CLASP2: variants seen among roughly 807,000 people sequenced by gnomAD.
CLASP2 encodes CLIP-associating protein 2.
Under a neutral mutation model 194.4 loss-of-function variants are expected in CLASP2, and 47 were observed. The ratio of observed to expected loss-of-function variants is 0.24; its 90% CI spans 0.19 to 0.31. CLASP2 has a LOEUF of 0.31. Among genes scored for constraint, CLASP2 ranks in the 10% least tolerant of loss-of-function variants. The pLI, the probability that CLASP2 is intolerant of heterozygous loss-of-function variation, is 1.00. For missense variants in CLASP2, 1,445 were observed against 1,823.6 expected (o/e 0.79, Z 3.78); for synonymous variants, 619 against 633.5 (o/e 0.98, Z 0.34).
At chr3:33,577,056 A>G in intron 23 of CLASP2, 1 of 560,012 alleles carries the variant, frequency 1.8e-6, no homozygotes. Flanking sequence ...ACTTGGGAGA[A>G]AAGAAAAAAA....
intron 34 of CLASP2, among the ~76,000 whole-genome samples, chr3:33,522,810 C>T (rs2335246): frequency 6.6e-6 from 1 of 152,194 alleles, no homozygotes; most frequent in Admixed American, 6.5e-5. Context: ...GTGGCTCACG[C>T]CTGTAATCCC....
chr3:33,708,852 C>A (rs1022985904), intron 1 of CLASP2, among the ~76,000 whole-genome samples: 1 of 152,074 alleles, frequency 6.6e-6, no homozygotes, highest in Non-Finnish European at 1.5e-5. Flanking sequence ...CTCTCCAATA[C>A]TTGTTCTCTT....
chr3:33,562,554 C>T (rs1475279707), intron 27 of CLASP2, among the ~76,000 whole-genome samples: 1 of 152,038 alleles, frequency 6.6e-6, no homozygotes, highest in Non-Finnish European at 1.5e-5. Flanking sequence ...TGAAATCTAC[C>T]ACGGGATAGG....
At chr3:33,609,045 T>C (rs1166211399) in intron 13 of CLASP2, among the ~76,000 whole-genome samples, 1 of 152,130 alleles carries the variant, frequency 6.6e-6, no homozygotes, top group Non-Finnish European at 1.5e-5. Flanking sequence ...TTTGGAAGGC[T>C]GAGGTGGGTG....
intron 23 of CLASP2, chr3:33,577,083 A>G: frequency 1.2e-6 from 1 of 859,066 alleles, no homozygotes; most frequent in Non-Finnish European, 1.7e-6. Flanking sequence ...ATTCTCCAAC[A>G]AATTAAATTT....
At chr3:33,507,777 C>T (rs189976287) in intron 37 of CLASP2, among the ~76,000 whole-genome samples, 1 of 152,232 alleles carries the variant, frequency 6.6e-6, no homozygotes, top group Non-Finnish European at 1.5e-5. Flanking sequence ...AGCCACCAAG[C>T]CAGGCAAGAA....
At chr3:33,599,612 A>G (rs2071459086) in intron 18 of CLASP2, among the ~76,000 whole-genome samples, 1 of 152,216 alleles carries the variant, frequency 6.6e-6, no homozygotes, top group South Asian at 2.1e-4. Flanking sequence ...CCTGGTACCT[A>G]GCAAAAACTA....
At chr3:33,713,362 A>C (rs1042195572) in intron 1 of CLASP2, among the ~76,000 whole-genome samples, 1 of 152,194 alleles carries the variant, frequency 6.6e-6, no homozygotes, top group African/African-American at 2.4e-5. Context: ...TTTTATGCAT[A>C]TGTAACAAGG....
intron 34 of CLASP2, among the ~76,000 whole-genome samples, chr3:33,520,820 T>TACACACACACACAC (rs57151303): frequency 7.0e-6 from 1 of 142,436 alleles, no homozygotes; most frequent in African/African-American, 2.6e-5. Context: ...TGTAAATCTC[T>TACACACACACACAC]ACACACACAC....
intron 12 of CLASP2, among the ~76,000 whole-genome samples, chr3:33,612,484 T>C (rs1249594456): frequency 6.6e-6 from 1 of 152,140 alleles, no homozygotes; most frequent in African/African-American, 2.4e-5. Flanking sequence ...TCCTTAACTA[T>C]TGGGAATGCA....
At chr3:33,526,778 CA>C (rs1162652043) in intron 34 of CLASP2, among the ~76,000 whole-genome samples, 4 of 152,122 alleles carry the variant, frequency 2.6e-5, no homozygotes, top group African/African-American at 9.7e-5. Flanking sequence ...ATACCAGACA[CA>C]AGCTTGGACC....
In CLASP2 at chr3:33,621,534, G is replaced by A. The variant is rs543171726; in HGVS notation, c.1181+601C>T. 5.9e-5 allele frequency among the ~76,000 whole-genome samples: 9 copies of A among 152,082 alleles called. 1 individual carries two copies. The South Asian group carries it at 1.9e-3, about 32-fold the overall frequency. On this transcript the variant is annotated intron_variant, in intron 11 of 38. Coordinates refer to ENST00000682230, the MANE Select transcript of CLASP2 (RefSeq NM_001365631.1). ...TAATGGCAGTTTTGTTCCTTTTCTT[G>A]CAATCCTTATATTGCCTTTTTTTTC...
At chr3:33,672,630 G>C (rs896298558) in intron 6 of CLASP2, among the ~76,000 whole-genome samples, 2 of 152,218 alleles carry the variant, frequency 1.3e-5, no homozygotes, top group African/African-American at 4.8e-5. Context: ...GAAGGCTTCA[G>C]ACGATCAAAT....
intron 1 of CLASP2, among the ~76,000 whole-genome samples, chr3:33,715,806 CACTTTTTA>C (rs1357216285): frequency 8.2e-6 from 1 of 121,444 alleles, no homozygotes; most frequent in African/African-American, 3.2e-5. Context: ...TCCTATGACA[CACTTTTTA>C]AAACAGTTAA....
chr3:33,657,407 T>C (rs2084451659), intron 7 of CLASP2, among the ~76,000 whole-genome samples: 1 of 152,134 alleles, frequency 6.6e-6, no homozygotes. Flanking sequence ...AGGTTGTTAC[T>C]TTTTTAAAAA....
At chr3:33,568,337 G>C (rs540237281) in intron 26 of CLASP2, among the ~76,000 whole-genome samples, 1 of 152,052 alleles carries the variant, frequency 6.6e-6, no homozygotes, top group South Asian at 2.1e-4. Flanking sequence ...CAGATCACTT[G>C]AGGCCAGGAG....
intron 6 of CLASP2, among the ~76,000 whole-genome samples, chr3:33,674,094 T>A (rs1324977687): frequency 6.6e-6 from 1 of 152,184 alleles, no homozygotes; most frequent in African/African-American, 2.4e-5. Flanking sequence ...CAAGCGGACC[T>A]AATAGACAGC....
intron 36 of CLASP2, among the ~76,000 whole-genome samples, chr3:33,515,666 C>A (rs961061736): frequency 6.6e-6 from 1 of 151,960 alleles, no homozygotes; most frequent in Non-Finnish European, 1.5e-5. Context: ...AAACAACCCC[C>A]CCAAAACAAT....
Position 33,596,804 on chromosome 3 carries a change from C to T in CLASP2, c.1925-70G>A. ...TTAGAAGAAATGATTTTTATAATTC[C>T]TAGAAAACATTTTCTTTAAGAAGAC... is the stretch of plus-strand genomic sequence containing the variant. On this transcript the variant is annotated intron_variant, in intron 18 of 38. Coordinates refer to ENST00000682230, the MANE Select transcript of CLASP2 (RefSeq NM_001365631.1). The T allele has an allele frequency of 3.2e-6, 4 of 1,241,114 alleles. No homozygotes were observed. The Admixed American group carries it at 6.5e-5, about 20-fold the overall frequency. The allele number at this position is 1,241,114 out of a possible 1,614,324, so 76.9% of individuals were successfully genotyped here. A position where few individuals can be genotyped will look rare whatever the true frequency, so the allele number is the denominator to read the frequency against.
Sources: gnomAD v4.1 joint callset for allele counts (sites outside exome capture counted in the v4.1 genomes callset) on GRCh38, gnomAD v4.1.1 for gene constraint, MANE v1.5 for transcripts, NCBI Gene and HGNC (gene_info 2026-07-23, HGNC 2026-07-21) for gene names.